The following SNCAIP variants were observed in gnomAD, a reference collection of about 807,000 sequenced individuals.
The protein encoded by SNCAIP is synphilin-1.
SNCAIP carries 43 observed loss-of-function variants against 86.7 expected under a neutral mutation model. The ratio of observed to expected loss-of-function variants is 0.50; its 90% CI spans 0.39 to 0.64. The LOEUF (loss-of-function observed/expected upper bound fraction) is 0.64, where lower values mean the gene tolerates loss of function less well. SNCAIP is among the 30% of genes least tolerant of loss of function. The pLI is 0.00. For missense variants in SNCAIP, 981 were observed against 1,103.1 expected (o/e 0.89, Z 1.57); for synonymous variants, 417 against 427.2 (o/e 0.98, Z 0.29).
At chr5:122,349,506 T>G (rs1434472) in intron 1 of SNCAIP, among the ~76,000 whole-genome samples, 39,218 of 152,158 alleles carry the variant, frequency 0.26, 5,943 homozygotes, top group African/African-American at 0.43. Context: ...TTTCAAGGAT[T>G]TCCCTTATAT....
Position 122,423,354 on chromosome 5 carries a change from C to A in SNCAIP, c.617C>A (p.Pro206Gln), listed in dbSNP as rs1776768910. 1 of 1,613,812 alleles carries A rather than the reference C, an allele frequency of 6.2e-7. No individual in the cohort carries two copies. The highest frequency in any genetic ancestry group is 8.5e-7 in the Non-Finnish European group (1 of 1,179,820). ...GAGAGCTCATCATCCAACATGGCAC[C>A]ATTTTGTGTTCTTTCTCCCGTGAAA... The part of the protein sequence containing the change: ...SSESSSSNMA[P>Q]FCVLSPVKSP... The change falls in exon 4 of 11, where the codon CCA becomes CAA. Residue 206 changes from proline to glutamine, a missense_variant. Pro to Gln is a moderately conservative substitution (Grantham distance 76). Coordinates refer to ENST00000261368, the MANE Select transcript of SNCAIP (RefSeq NM_005460.4).
chr5:122,342,502 C>T (rs1757791274), intron 1 of SNCAIP, among the ~76,000 whole-genome samples: 1 of 152,218 alleles, frequency 6.6e-6, no homozygotes. Flanking sequence ...CACTTAATAG[C>T]TGTCAGCCAT....
chr5:122,431,925 G>C, intron 5 of SNCAIP, 44 bp from the exon 6 acceptor site: 1 of 943,522 alleles, frequency 1.1e-6, no homozygotes, highest in Non-Finnish European at 1.7e-6. Flanking sequence ...TTTCAAACCT[G>C]AGTTACCTTG....
chr5:122,399,039 A>G (rs189547101), intron 2 of SNCAIP, among the ~76,000 whole-genome samples: 2 of 152,300 alleles, frequency 1.3e-5, no homozygotes, highest in African/African-American at 2.4e-5. Context: ...TTCAGTGAGG[A>G]AAGAACAAAG....
chr5:122,328,244 A>G (rs1339007947), intron 1 of SNCAIP, among the ~76,000 whole-genome samples: 2 of 152,208 alleles, frequency 1.3e-5, no homozygotes, highest in African/African-American at 2.4e-5. Context: ...GGTTTATACT[A>G]TCACCTGTGT....
At chr5:122,347,330 A>G (rs962435775) in intron 1 of SNCAIP, among the ~76,000 whole-genome samples, 4 of 152,012 alleles carry the variant, frequency 2.6e-5, no homozygotes, top group Non-Finnish European at 4.4e-5. Flanking sequence ...ACCACAAAGA[A>G]CATCTGTTTA....
At chr5:122,343,109 C>G (rs1757919733) in intron 1 of SNCAIP, among the ~76,000 whole-genome samples, 2 of 152,318 alleles carry the variant, frequency 1.3e-5, no homozygotes, top group African/African-American at 4.8e-5. Flanking sequence ...CTCATACCAA[C>G]CAGATTTTCC....
intron 2 of SNCAIP, chr5:122,401,167 G>A (rs1274922291): frequency 2.6e-6 from 4 of 1,531,644 alleles, no homozygotes; most frequent in Non-Finnish European, 3.5e-6. Flanking sequence ...AAGGCCATCT[G>A]TCCTGTGAAC....
At chr5:122,401,019 C>T (rs1192897661) in intron 2 of SNCAIP, 4 of 1,550,072 alleles carry the variant, frequency 2.6e-6, no homozygotes, top group Non-Finnish European at 3.5e-6. Context: ...GCTACAAAAG[C>T]TTGGATTGGA....
chr5:122,373,311 T>G (rs1404128307), intron 1 of SNCAIP, among the ~76,000 whole-genome samples: 4 of 152,144 alleles, frequency 2.6e-5, no homozygotes, highest in Non-Finnish European at 4.4e-5. Flanking sequence ...AGTTCTGTTT[T>G]CAGCATCTCA....
intron 3 of SNCAIP, among the ~76,000 whole-genome samples, chr5:122,420,098 G>A (rs898832288): frequency 6.6e-6 from 1 of 152,042 alleles, no homozygotes; most frequent in African/African-American, 2.4e-5. Context: ...AGACATAGAC[G>A]AGAAAACACA....
chr5:122,369,158 C>T (rs952217020), intron 1 of SNCAIP, among the ~76,000 whole-genome samples: 3 of 152,172 alleles, frequency 2.0e-5, no homozygotes, highest in African/African-American at 7.2e-5. Flanking sequence ...GCCATCCTTT[C>T]TTAGAAGACA....
intron 3 of SNCAIP, among the ~76,000 whole-genome samples, chr5:122,418,213 G>A (rs1400005159): frequency 2.0e-5 from 3 of 152,244 alleles, no homozygotes; most frequent in Admixed American, 1.3e-4. Flanking sequence ...GAGATGATAA[G>A]GCAAATTAGA....
intron 3 of SNCAIP, among the ~76,000 whole-genome samples, chr5:122,415,728 G>A (rs956626571): frequency 3.9e-5 from 6 of 152,184 alleles, no homozygotes; most frequent in African/African-American, 1.2e-4. Flanking sequence ...CGTGCTGCAC[G>A]GCCAGAAGCC....
intron 1 of SNCAIP, among the ~76,000 whole-genome samples, chr5:122,355,919 T>C (rs1304232360): frequency 1.3e-5 from 2 of 152,106 alleles, no homozygotes; most frequent in Non-Finnish European, 2.9e-5. Context: ...ACAGCACTTA[T>C]AGTGAGGGAA....
intron 1 of SNCAIP, among the ~76,000 whole-genome samples, chr5:122,323,058 G>A (rs1278413811): frequency 6.6e-6 from 1 of 152,080 alleles, no homozygotes; most frequent in African/African-American, 2.4e-5. Flanking sequence ...AGTGGTGAAA[G>A]GTTTAAAAGA....
intron 8 of SNCAIP, among the ~76,000 whole-genome samples, chr5:122,445,549 T>C (rs1461903628): frequency 2.0e-5 from 3 of 151,932 alleles, no homozygotes; most frequent in Admixed American, 2.0e-4. Context: ...GAGGGTTTCC[T>C]GAAAATCAGT....
chr5:122,405,394 T>C (rs1022132160), intron 3 of SNCAIP, among the ~76,000 whole-genome samples: 1 of 152,220 alleles, frequency 6.6e-6, no homozygotes, highest in African/African-American at 2.4e-5. Flanking sequence ...GCAAATACTT[T>C]ATCAGGGCTT....
At chr5:122,398,660 A>T (rs1273868085) in intron 2 of SNCAIP, among the ~76,000 whole-genome samples, 2 of 152,104 alleles carry the variant, frequency 1.3e-5, no homozygotes, top group African/African-American at 4.8e-5. Flanking sequence ...GGAAACTTTT[A>T]TGGGGCCTTA....
Sources: gnomAD v4.1 joint callset for allele counts (sites outside exome capture counted in the v4.1 genomes callset) on GRCh38, gnomAD v4.1.1 for gene constraint, MANE v1.5 for transcripts, NCBI Gene and HGNC (gene_info 2026-07-23, HGNC 2026-07-21) for gene names.